PGAP1: variants seen among roughly 807,000 people sequenced by gnomAD.
PGAP1 encodes GPI inositol-deacylase.
Under a neutral mutation model 127.0 loss-of-function variants are expected in PGAP1, and 76 were observed. That is an observed-to-expected ratio of 0.60 (90% CI 0.50 to 0.72). The LOEUF (loss-of-function observed/expected upper bound fraction) is 0.72, where lower values mean the gene tolerates loss of function less well. Ranked by LOEUF, PGAP1 falls within the 30% of genes least tolerant of loss-of-function variation. The pLI is 0.00. For missense variants in PGAP1, 982 were observed against 1,071.3 expected, an observed-to-expected ratio of 0.92 and a Z score of 1.16; for synonymous variants, 362 against 366.5, an observed-to-expected ratio of 0.99 and a Z score of 0.14.
rs372373721 is a variant in PGAP1 at position 196,892,213 on chromosome 2, T to C, written c.1089+133A>G. On this transcript the variant is annotated intron_variant, in intron 9 of 26. Transcript: ENST00000354764. ...AAACTGATTACTGACTAGATACTTA[T>C]TAAGGAATTATTATTAAATTGTGGG... is the stretch of plus-strand genomic sequence containing the variant. The C allele has an allele frequency of 3.0e-4, 161 of 540,828 alleles. 2 individuals are homozygous for C. In the East Asian group the frequency reaches 5.1e-3, roughly 17 times the overall value. The allele number at this position is 540,828 out of a possible 1,614,324, so 33.5% of individuals were successfully genotyped here.
At chr2:196,842,865 C>T (rs746072014) in intron 25 of PGAP1, 40 bp from the exon 26 acceptor site, 2 of 948,242 alleles carry the variant, frequency 2.1e-6, no homozygotes, top group East Asian at 2.6e-5. Context: ...TCAACAATGA[C>T]CTGATCATTT....
Position 196,926,686 on chromosome 2 carries a change from C to G in PGAP1, c.-70G>C, listed in dbSNP as rs1703377666. 11 of 1,604,310 alleles carry G rather than the reference C, an allele frequency of 6.9e-6. 1 individual carries two copies. The highest frequency in any genetic ancestry group is 7.7e-6 in the Non-Finnish European group (9 of 1,175,298). ...CTTCTCCGCCGCGGGGCCCCAAGCC[C>G]GGACTGAGCGTGCTAGACACTGTCC... On this transcript the variant is annotated 5_prime_UTR_variant, in exon 1 of 27. Coordinates refer to ENST00000354764, the MANE Select transcript of PGAP1 (RefSeq NM_024989.4).
Position 196,893,203 on chromosome 2 carries a change from G to A in PGAP1, c.970C>T (p.His324Tyr). The change falls in exon 8 of 27, where the codon CAC (histidine) becomes TAC (tyrosine). Residue 324 changes from histidine to tyrosine, a missense_variant. Physicochemically the swap from His to Tyr is moderately conservative, Grantham distance 83. Coordinates refer to ENST00000354764, the MANE Select transcript of PGAP1 (RefSeq NM_024989.4). Reference protein sequence around the residue: ...SKKKLSVLYHHFIRHPSKHFE... With the variant: ...SKKKLSVLYHYFIRHPSKHFE... ...TGTTTTGATGGGTGTCTTATAAAGT[G>A]GTGATACAAAACTGACAGTTTCTTC... is the stretch of plus-strand genomic sequence containing the variant. 6.3e-7 allele frequency: 1 copy of A among 1,599,038 alleles called. No homozygotes were observed. Among genetic ancestry groups the A allele is most frequent in the Non-Finnish European group, 8.5e-7 (1 of 1,170,460 alleles).
chr2:196,896,019 A>C (rs1300397115), intron 7 of PGAP1, among the ~76,000 whole-genome samples: 1 of 152,232 alleles, frequency 6.6e-6, no homozygotes, highest in Non-Finnish European at 1.5e-5. Flanking sequence ...GAATAATGGC[A>C]ATCTGTTCCC....
intron 5 of PGAP1, among the ~76,000 whole-genome samples, 166 bp from the exon 6 acceptor site, chr2:196,898,535 T>G (rs1482881621): frequency 6.6e-6 from 1 of 152,204 alleles, no homozygotes; most frequent in East Asian, 1.9e-4. Flanking sequence ...TCCAAATATA[T>G]TAGAATTTTC....
intron 4 of PGAP1, among the ~76,000 whole-genome samples, chr2:196,904,317 C>CT: frequency 6.6e-6 from 1 of 152,164 alleles, no homozygotes; most frequent in Non-Finnish European, 1.5e-5. Flanking sequence ...TCTGTCTGTA[C>CT]TTTCAGCAGC....
At chr2:196,911,606 T>TAGAAAAAAAAAA (rs1702818344) in intron 4 of PGAP1, among the ~76,000 whole-genome samples, 1 of 77,286 alleles carries the variant, frequency 1.3e-5, no homozygotes, top group African/African-American at 5.0e-5. Flanking sequence ...TAGAGTATAA[T>TAGAAAAAAAAAA]AAAAAAAAAA....
intron 7 of PGAP1, among the ~76,000 whole-genome samples, chr2:196,895,650 G>A (rs1458431211): frequency 1.3e-5 from 2 of 152,190 alleles, no homozygotes. Context: ...GGACCTTCAG[G>A]AGAGAGCTAA....
At chr2:196,869,871 C>G (rs1302302828) in intron 19 of PGAP1, among the ~76,000 whole-genome samples, 1 of 152,080 alleles carries the variant, frequency 6.6e-6, no homozygotes, top group African/African-American at 2.4e-5. Context: ...AGTTTTATTA[C>G]AGTATTAAAT....
At chr2:196,877,752 T>C (rs531608776) in intron 13 of PGAP1, 3 of 152,252 alleles carry the variant, frequency 2.0e-5, no homozygotes, top group African/African-American at 7.2e-5. Context: ...TTTTTCTGAT[T>C]ATTTTGGCTA....
At chr2:196,885,172 T>C (rs1441260013) in intron 12 of PGAP1, among the ~76,000 whole-genome samples, 1 of 152,234 alleles carries the variant, frequency 6.6e-6, no homozygotes, top group East Asian at 1.9e-4. Context: ...TATGAAGTTA[T>C]AATATACAGA....
intron 7 of PGAP1, among the ~76,000 whole-genome samples, chr2:196,895,394 A>G (rs1012566016): frequency 6.6e-6 from 1 of 152,196 alleles, no homozygotes; most frequent in African/African-American, 2.4e-5. Flanking sequence ...ACGTCAGTTG[A>G]AGTAAAAACT....
chr2:196,866,099 C>T (rs1032351822), intron 19 of PGAP1, among the ~76,000 whole-genome samples: 4 of 152,156 alleles, frequency 2.6e-5, no homozygotes, highest in Non-Finnish European at 4.4e-5. Context: ...CATTGTCTTT[C>T]TTCACAGAAT....
chr2:196,922,577 GACACAC>G (rs59881211), intron 1 of PGAP1: 41,993 of 387,288 alleles, frequency 0.11, 1,223 homozygotes, highest in South Asian at 0.19. Flanking sequence ...CACACACACA[GACACAC>G]ACACACACAC....
Position 196,838,347 on chromosome 2 carries a change from C to A in PGAP1, c.*2887G>T. ...ATTTTTGTTAACATTGCTAATAGGG[C>A]AGTGCTGTTTAACCAGCCAATAATA... On this transcript the variant is annotated 3_prime_UTR_variant, in exon 27 of 27. Coordinates refer to ENST00000354764, the MANE Select transcript of PGAP1 (RefSeq NM_024989.4). 6.6e-6 allele frequency: 1 copy of A among 152,150 alleles called. No homozygotes were observed. Among genetic ancestry groups the A allele is most frequent in the East Asian group, 1.9e-4 (1 of 5,192 alleles). The allele number at this position is 152,150 out of a possible 1,614,324, so 9.4% of individuals were successfully genotyped here. A position where few individuals can be genotyped will look rare whatever the true frequency, so the allele number is the denominator to read the frequency against.
chr2:196,926,443 C>G, intron 1 of PGAP1, 27 bp downstream of exon 1: 1 of 1,613,550 alleles, frequency 6.2e-7, no homozygotes, highest in Non-Finnish European at 8.5e-7. Flanking sequence ...CTTGGAGCGC[C>G]CGGCTGAGGA....
Position 196,836,814 on chromosome 2 carries a change from A to G in PGAP1, c.*4420T>C, listed in dbSNP as rs763372485. ...CAGGGTGTAATTTTATAATACAAAC[A>G]TATTACTGCTTTCTTATCCTGGCAA... is the stretch of plus-strand genomic sequence containing the variant. On this transcript the variant is annotated 3_prime_UTR_variant, in exon 27 of 27. Coordinates refer to ENST00000354764, the MANE Select transcript of PGAP1 (RefSeq NM_024989.4). 2.6e-5 allele frequency: 4 copies of G among 152,236 alleles called. No individual in the cohort carries two copies. Among genetic ancestry groups the G allele is most frequent in the East Asian group, 3.8e-4 (2 of 5,204 alleles). 9.4% of individuals were successfully genotyped at this position (152,236 alleles called of 1,614,324 possible). A position where few individuals can be genotyped will look rare whatever the true frequency, so the allele number is the denominator to read the frequency against.
At chr2:196,905,647 CGACGCAGAAGACG>C (rs1386279546) in intron 4 of PGAP1, among the ~76,000 whole-genome samples, 1 of 151,830 alleles carries the variant, frequency 6.6e-6, no homozygotes, top group Non-Finnish European at 1.5e-5. Context: ...CCAGCGTGAG[CGACGCAGAAGACG>C]GGTGATTTCT....
chr2:196,862,261 A>ACTG (rs1470095521), intron 20 of PGAP1, among the ~76,000 whole-genome samples: 1 of 152,052 alleles, frequency 6.6e-6, no homozygotes, highest in Non-Finnish European at 1.5e-5. Context: ...TGTAGACTGT[A>ACTG]GGGGTGAAAT....
Sources: allele counts gnomAD v4.1 joint callset (sites outside exome capture counted in the v4.1 genomes callset), GRCh38; gene constraint gnomAD v4.1.1; transcripts MANE v1.5; gene names NCBI Gene and HGNC (gene_info 2026-07-23, HGNC 2026-07-21).